SPATA13: variants seen among roughly 807,000 people sequenced by gnomAD.
SPATA13 encodes spermatogenesis associated 13.
In SPATA13, 50 loss-of-function variants were observed where a neutral mutation model predicts 104.0. The ratio of observed to expected loss-of-function variants is 0.48; its 90% CI spans 0.38 to 0.61. The LOEUF is 0.61. Among genes scored for constraint, SPATA13 ranks in the 20% least tolerant of loss-of-function variants. SPATA13 has a pLI of 0.00. For synonymous variants in SPATA13, 606 were observed against 667.5 expected (o/e 0.91, Z 1.42); for missense variants, 1,524 against 1,690.6 (o/e 0.90, Z 1.73).
intron 3 of SPATA13, among the ~76,000 whole-genome samples, chr13:24,082,418 G>C (rs151042445): frequency 1.3e-5 from 2 of 152,302 alleles, no homozygotes; most frequent in East Asian, 3.9e-4. Flanking sequence ...AACACTGATG[G>C]AGAATTCACC....
At chr13:24,113,868 CAAA>C (rs958434459) in intron 3 of SPATA13, among the ~76,000 whole-genome samples, 5 of 56,166 alleles carry the variant, frequency 8.9e-5, no homozygotes, top group African/African-American at 1.3e-4. Context: ...GACTCGATCT[CAAA>C]AAAAAAAAAA....
chr13:24,142,818 T>C (rs549640715), intron 3 of SPATA13, among the ~76,000 whole-genome samples: 10 of 152,162 alleles, frequency 6.6e-5, no homozygotes, highest in Non-Finnish European at 1.3e-4. Context: ...TTTGGAATCA[T>C]AATTCATGGG....
Position 24,039,300 on chromosome 13 carries a change from A to G in SPATA13, c.-112+21599A>G, listed in dbSNP as rs1410404509. On this transcript the variant is annotated intron_variant, in intron 3 of 14. Transcript: ENST00000424834. ...TCTACCAGCTACTACTCAATTTACCAACCTGGTGTTGACAGCTCTACCTTG... is the reference window on the plus strand; with the variant it reads ...TCTACCAGCTACTACTCAATTTACCGACCTGGTGTTGACAGCTCTACCTTG... Among the ~76,000 whole-genome samples the G allele has an allele frequency of 6.6e-5, 10 of 152,258 alleles. No individual in the cohort carries two copies. The East Asian group carries it at 1.7e-3, about 26-fold the overall frequency.
chr13:24,270,703 C>G (rs1376030616), intron 4 of SPATA13: 4 of 1,493,536 alleles, frequency 2.7e-6, no homozygotes, highest in African/African-American at 2.8e-5. Flanking sequence ...TGGGCAGGCT[C>G]TGGCCGGGAA....
At chr13:24,189,469 ATC>A (rs201091898) in intron 1 of SPATA13, among the ~76,000 whole-genome samples, 1,405 of 90,112 alleles carry the variant, frequency 0.016, 29 homozygotes, top group African/African-American at 0.04. Context: ...GCGAGACTCC[ATC>A]TCTCTCTCTC....
chr13:24,268,103 AAG>A (rs1354947648), intron 4 of SPATA13, among the ~76,000 whole-genome samples: 2 of 152,354 alleles, frequency 1.3e-5, no homozygotes, highest in South Asian at 4.1e-4. Flanking sequence ...GTCATAAAAA[AAG>A]AGCGTCATAG....
intron 1 of SPATA13, among the ~76,000 whole-genome samples, chr13:24,206,480 C>T (rs184506226): frequency 1.3e-5 from 2 of 152,288 alleles, no homozygotes; most frequent in East Asian, 3.9e-4. Flanking sequence ...TAAATTAGTT[C>T]AGCCCTTGTG....
chr13:24,144,070 G>A (rs1356431697), intron 3 of SPATA13, among the ~76,000 whole-genome samples: 2 of 152,154 alleles, frequency 1.3e-5, no homozygotes, highest in Non-Finnish European at 2.9e-5. Context: ...GACTGTGAAT[G>A]TTCATGAGCT....
chr13:24,143,438 C>T lies in SPATA13; in HGVS notation c.-111-79381C>T, dbSNP rs548016570. Among the ~76,000 whole-genome samples, 52 of 152,236 alleles carry T rather than the reference C, an allele frequency of 3.4e-4. 1 individual carries two copies. Among genetic ancestry groups the T allele is most frequent in the Middle Eastern group, 3.4e-3 (1 of 294 alleles). On this transcript the variant is annotated intron_variant, in intron 3 of 14. Coordinates refer to the SPATA13 transcript ENST00000424834. ...TAGAGGTTTTGTGTTGATAAAAATC[C>T]GCAGCTGCTGGCAGTGCTCTCATTC...
At position 24,303,317 on chromosome 13, in the gene SPATA13, G is replaced by C; in HGVS notation, c.*544G>C. On this transcript the variant is annotated 3_prime_UTR_variant, in exon 13 of 13. Transcript: ENST00000382108. ...CAGCTGCCGTGGGGCTGACCACGGT[G>C]TTCCCTGGCATCGTCTGTGTCCACA... The C allele has an allele frequency of 2.9e-6, 1 of 339,986 alleles. No homozygotes were observed. The highest frequency in any genetic ancestry group is 5.9e-6 in the Non-Finnish European group (1 of 169,704). The allele number at this position is 339,986 out of a possible 1,614,324, so 21.1% of individuals were successfully genotyped here.
intron 3 of SPATA13, among the ~76,000 whole-genome samples, chr13:24,040,059 C>T (rs1877857881): frequency 6.6e-6 from 1 of 152,186 alleles, no homozygotes; most frequent in Admixed American, 6.5e-5. Flanking sequence ...TGAGCATATT[C>T]AGATGATCAT....
chr13:24,069,392 G>A (rs1258518137), intron 3 of SPATA13, among the ~76,000 whole-genome samples: 2 of 152,178 alleles, frequency 1.3e-5, no homozygotes, highest in African/African-American at 4.8e-5. Flanking sequence ...AATTGTGAAT[G>A]GGAATTCATT....
At chr13:24,121,810 A>C (rs1171405317) in intron 3 of SPATA13, among the ~76,000 whole-genome samples, 1 of 152,098 alleles carries the variant, frequency 6.6e-6, no homozygotes, top group Non-Finnish European at 1.5e-5. Flanking sequence ...CACAGTCAGG[A>C]TCTTCCTTTC....
intron 1 of SPATA13, among the ~76,000 whole-genome samples, chr13:24,214,943 G>C (rs1468540244): frequency 6.6e-6 from 1 of 152,202 alleles, no homozygotes; most frequent in Non-Finnish European, 1.5e-5. Context: ...TCCCCACTGA[G>C]CATCTGACAT....
rs1873830929 is a variant in SPATA13 at position 24,257,200 on chromosome 13, C to T, written c.2164+5338C>T. Among the ~76,000 whole-genome samples, 4 of 152,312 alleles carry T rather than the reference C, an allele frequency of 2.6e-5. No homozygotes were observed. In the South Asian group the frequency reaches 8.3e-4, roughly 32 times the overall value. ...CCATTCCCCTTCTCTTTCTACGTATCTTGTCCAGAGTTCAGATTAGCTTGC... is the reference window on the plus strand; with the variant it reads ...CCATTCCCCTTCTCTTTCTACGTATTTTGTCCAGAGTTCAGATTAGCTTGC... On this transcript the variant is annotated intron_variant, in intron 4 of 12. Transcript: ENST00000382108.
At chr13:23,983,971 A>G (rs1875032116) in intron 2 of SPATA13, 8 of 984,736 alleles carry the variant, frequency 8.1e-6, no homozygotes, top group African/African-American at 3.5e-5. Flanking sequence ...GGCATTATCC[A>G]TGCTTATTTC....
chr13:24,212,186 G>A (rs561683897), intron 1 of SPATA13, among the ~76,000 whole-genome samples: 1 of 152,178 alleles, frequency 6.6e-6, no homozygotes, highest in Admixed American at 6.5e-5. Flanking sequence ...GCCAAGGAGG[G>A]AGGATTGCTT....
chr13:24,183,888 G>A (rs1412499346), intron 1 of SPATA13, among the ~76,000 whole-genome samples: 1 of 152,026 alleles, frequency 6.6e-6, no homozygotes, highest in Non-Finnish European at 1.5e-5. Flanking sequence ...AATAATCACG[G>A]GCGCTTCCTC....
intron 10 of SPATA13, among the ~76,000 whole-genome samples, chr13:24,295,437 C>T (rs1876699974): frequency 1.3e-5 from 2 of 151,922 alleles, no homozygotes; most frequent in South Asian, 4.2e-4. Context: ...ATGGCAAGAC[C>T]CCATCTCTAC....
Sources: allele counts gnomAD v4.1 joint callset (sites outside exome capture counted in the v4.1 genomes callset), GRCh38; gene constraint gnomAD v4.1.1; transcripts MANE v1.5; gene names NCBI Gene and HGNC (gene_info 2026-07-23, HGNC 2026-07-21).